Variants in TMEM170B observed in about 807,000 individuals in gnomAD.
TMEM170B encodes the protein transmembrane protein 170B.
Under a neutral mutation model 13.0 loss-of-function variants are expected in TMEM170B, and 6 were observed. The ratio of observed to expected loss-of-function variants is 0.46; its 90% CI spans 0.25 to 0.91. The LOEUF is 0.91. TMEM170B is among the 40% of genes least tolerant of loss of function. TMEM170B has a pLI of 0.17. For synonymous variants in TMEM170B, 61 were observed against 64.9 expected, an observed-to-expected ratio of 0.94 and a Z score of 0.29; for missense variants, 138 against 165.2, an observed-to-expected ratio of 0.84 and a Z score of 0.90.
chr6:11,549,202 C>T (rs528183752), intron 1 of TMEM170B, among the ~76,000 whole-genome samples: 1 of 152,204 alleles, frequency 6.6e-6, no homozygotes, highest in South Asian at 2.1e-4. Context: ...GTGTATCAGA[C>T]CCTATATAAA....
At chr6:11,550,604 G>T (rs571766855) in intron 1 of TMEM170B, among the ~76,000 whole-genome samples, 1 of 152,128 alleles carries the variant, frequency 6.6e-6, no homozygotes, top group Non-Finnish European at 1.5e-5. Flanking sequence ...TTTACTTTTA[G>T]TAGTTAACAT....
At chr6:11,549,778 A>T (rs1361437962) in intron 1 of TMEM170B, among the ~76,000 whole-genome samples, 3 of 152,204 alleles carry the variant, frequency 2.0e-5, no homozygotes, top group Non-Finnish European at 2.9e-5. Context: ...CTTTATGCAA[A>T]TAGGAAGAAC....
chr6:11,538,970 C>T (rs1252784295), intron 1 of TMEM170B, among the ~76,000 whole-genome samples: 3 of 152,188 alleles, frequency 2.0e-5, no homozygotes, highest in Non-Finnish European at 4.4e-5. Flanking sequence ...CCTCCCATTT[C>T]CTTTTGTCTG....
intron 1 of TMEM170B, among the ~76,000 whole-genome samples, chr6:11,555,262 A>G (rs1042918343): frequency 7.3e-5 from 11 of 151,106 alleles, no homozygotes; most frequent in African/African-American, 2.7e-4. Flanking sequence ...TTTACTTTTT[A>G]TATTTGTTCC....
At position 11,538,332 on chromosome 6, in the gene TMEM170B, C is replaced by A; in HGVS notation, c.55C>A (p.Leu19Met). The change falls in exon 1 of 3, where the codon CTG (leucine) becomes ATG (methionine). Residue 19 changes from leucine to methionine, a missense_variant. Physicochemically the swap from Leu to Met is conservative, Grantham distance 15. Transcript: ENST00000379426. ...SMINLSVQQV[L>M]SLWAHGTVLR... Reference sequence around the variant, plus strand: ...GATCAACCTGTCGGTGCAGCAGGTCCTGAGCCTCTGGGCCCACGGGACGGT... The same window carrying A: ...GATCAACCTGTCGGTGCAGCAGGTCATGAGCCTCTGGGCCCACGGGACGGT... The A allele has an allele frequency of 6.6e-7, 1 of 1,508,308 alleles. No individual in the cohort carries two copies. The highest frequency in any genetic ancestry group is 8.8e-7 in the Non-Finnish European group (1 of 1,133,248). The allele number at this position is 1,508,308 out of a possible 1,614,324, so 93.4% of individuals were successfully genotyped here. A position where few individuals can be genotyped will look rare whatever the true frequency, so the allele number is the denominator to read the frequency against.
intron 1 of TMEM170B, among the ~76,000 whole-genome samples, chr6:11,562,486 T>G (rs1001195004): frequency 3.3e-5 from 5 of 151,558 alleles, no homozygotes; most frequent in Non-Finnish European, 5.9e-5. Context: ...TGAAATAATT[T>G]CAAATTGCAT....
chr6:11,538,399 A>G (rs771885207), intron 1 of TMEM170B, 25 bp downstream of exon 1: 1 of 1,473,552 alleles, frequency 6.8e-7, no homozygotes, highest in Non-Finnish European at 9.0e-7. Context: ...TGGGCTGGGG[A>G]CGGGGATGCG....
chr6:11,548,954 T>C (rs961466996), intron 1 of TMEM170B, among the ~76,000 whole-genome samples: 10 of 151,940 alleles, frequency 6.6e-5, no homozygotes, highest in African/African-American at 2.4e-4. Context: ...GGGATAGCAT[T>C]AGGAGATATA....
chr6:11,552,880 G>A (rs546556112), intron 1 of TMEM170B, among the ~76,000 whole-genome samples: 2 of 152,240 alleles, frequency 1.3e-5, no homozygotes, highest in African/African-American at 4.8e-5. Context: ...AGAAAAGAAC[G>A]TTTATAAGGC....
intron 1 of TMEM170B, among the ~76,000 whole-genome samples, chr6:11,538,739 T>C (rs932423548): frequency 1.3e-5 from 2 of 152,248 alleles, no homozygotes; most frequent in African/African-American, 2.4e-5. Flanking sequence ...TCTACACACA[T>C]CGCTTCTTGC....
intron 1 of TMEM170B, among the ~76,000 whole-genome samples, chr6:11,546,873 T>TG (rs1171295346): frequency 1.3e-5 from 2 of 152,220 alleles, no homozygotes; most frequent in Non-Finnish European, 2.9e-5. Context: ...AGGCAACACA[T>TG]GCCTGTACTA....
rs1255777037 is a variant in TMEM170B, at chr6:11,579,061, C to G, written c.*3500C>G. The G allele has an allele frequency of 6.6e-6, 1 of 152,160 alleles. No individual in the cohort carries two copies. Among genetic ancestry groups the G allele is most frequent in the Non-Finnish European group, 1.5e-5 (1 of 68,022 alleles). The allele number at this position is 152,160 out of a possible 1,614,324, so 9.4% of individuals were successfully genotyped here. A position where few individuals can be genotyped will look rare whatever the true frequency, so the allele number is the denominator to read the frequency against. On this transcript the variant is annotated 3_prime_UTR_variant, in exon 3 of 3. Transcript: ENST00000379426. ...TTCTTTACCTTGAGTACACCAAGAG[C>G]TAGCAAGATGATTTTTAAATCCTAA...
chr6:11,556,506 C>G (rs569384457), intron 1 of TMEM170B, among the ~76,000 whole-genome samples: 4 of 152,292 alleles, frequency 2.6e-5, no homozygotes, highest in African/African-American at 9.6e-5. Context: ...TTGTTACTTG[C>G]TGCTAGGCTC....
chr6:11,538,245 C>A lies in TMEM170B; in HGVS notation c.-33C>A. 1 of 1,246,596 alleles carries A rather than the reference C, an allele frequency of 8.0e-7. No individual in the cohort carries two copies. Among genetic ancestry groups the A allele is most frequent in the Non-Finnish European group, 1.0e-6 (1 of 983,212 alleles). 77.2% of individuals were successfully genotyped at this position (1,246,596 alleles called of 1,614,324 possible). A position where few individuals can be genotyped will look rare whatever the true frequency, so the allele number is the denominator to read the frequency against. ...GCAGCCGCCGCCGCCGCCCGGCACCCGAGGAGAGGGCGGCGGGCGCCCCTC... is the reference window on the plus strand; with the variant it reads ...GCAGCCGCCGCCGCCGCCCGGCACCAGAGGAGAGGGCGGCGGGCGCCCCTC... On this transcript the variant is annotated 5_prime_UTR_variant, in exon 1 of 3. Transcript: ENST00000379426.
intron 1 of TMEM170B, among the ~76,000 whole-genome samples, chr6:11,553,805 A>G (rs1759554925): frequency 6.6e-6 from 1 of 152,160 alleles, no homozygotes; most frequent in Admixed American, 6.5e-5. Flanking sequence ...TTATTTGTAG[A>G]GTAAGGTTTA....
chr6:11,557,131 T>C (rs923342966), intron 1 of TMEM170B, among the ~76,000 whole-genome samples: 3 of 152,266 alleles, frequency 2.0e-5, no homozygotes, highest in African/African-American at 7.2e-5. Context: ...ACTTGTATGT[T>C]GCCCACTGCC....
chr6:11,563,096 A>G (rs12194708), intron 1 of TMEM170B, among the ~76,000 whole-genome samples: 8,796 of 152,152 alleles, frequency 0.058, 275 homozygotes, highest in East Asian at 0.16. Context: ...TAGCACTTTG[A>G]GAGGCCAAGG....
intron 2 of TMEM170B, among the ~76,000 whole-genome samples, chr6:11,572,706 T>G (rs190250456): frequency 1.2e-3 from 184 of 152,292 alleles, no homozygotes; most frequent in Non-Finnish European, 2.1e-3. Flanking sequence ...ACTAGTGCTC[T>G]TCTCAGAAGT....
At position 11,537,888 on chromosome 6, in the gene TMEM170B, C is replaced by CCGGCCTCCTGGCGTGACCT. The variant is rs1759300836; in HGVS notation, c.-380_-362dup. ...TGCACCTGCCGGCTGCCCATCAGCA[C>CCGGCCTCCTGGCGTGACCT]CGGCCTCCTGGCGTGACCTCGGCCT... On this transcript the variant is annotated 5_prime_UTR_variant, in exon 1 of 3. An upstream open reading frame in the 5' UTR gains an earlier in-frame stop. Coordinates refer to ENST00000379426, the MANE Select transcript of TMEM170B (RefSeq NM_001100829.3). Among the ~76,000 whole-genome samples the CCGGCCTCCTGGCGTGACCT allele has an allele frequency of 6.6e-6, 1 of 151,738 alleles. No individual in the cohort carries two copies. Among genetic ancestry groups the CCGGCCTCCTGGCGTGACCT allele is most frequent in the African/African-American group, 2.4e-5 (1 of 41,354 alleles).
Sources: gnomAD v4.1 joint callset for allele counts (sites outside exome capture counted in the v4.1 genomes callset) on GRCh38, gnomAD v4.1.1 for gene constraint, MANE v1.5 for transcripts, NCBI Gene and HGNC (gene_info 2026-07-23, HGNC 2026-07-21) for gene names.